PTPRG: variants seen among roughly 807,000 people sequenced by gnomAD.
PTPRG encodes the protein protein tyrosine phosphatase receptor type G.
PTPRG carries 102 observed loss-of-function variants against 165.3 expected under a neutral mutation model. That is an observed-to-expected ratio of 0.62 (90% CI 0.53 to 0.73). The LOEUF is 0.73. Ranked by LOEUF, PTPRG falls within the 30% of genes least tolerant of loss-of-function variation. The pLI, the probability that PTPRG is intolerant of heterozygous loss-of-function variation, is 0.00. For synonymous variants in PTPRG, 675 were observed against 669.5 expected (o/e 1.01, Z -0.13); for missense variants, 1,866 against 1,861.4 (o/e 1.00, Z -0.05).
At chr3:61,712,419 C>T (rs1257734626) in intron 1 of PTPRG, among the ~76,000 whole-genome samples, 1 of 152,042 alleles carries the variant, frequency 6.6e-6, no homozygotes, top group South Asian at 2.1e-4. Context: ...TTGTTTGGCT[C>T]TGTATCTCCA....
At chr3:62,181,469 C>T (rs1031815204) in intron 8 of PTPRG, among the ~76,000 whole-genome samples, 1 of 152,106 alleles carries the variant, frequency 6.6e-6, no homozygotes, top group African/African-American at 2.4e-5. Context: ...TCTATAAACA[C>T]CTACTCATTG....
chr3:61,647,773 C>CA lies in PTPRG; in HGVS notation c.85+85402dup, dbSNP rs373375267. 3.1e-3 allele frequency among the ~76,000 whole-genome samples: 356 copies of CA among 113,978 alleles called. 3 individuals are homozygous for CA. Among genetic ancestry groups the CA allele is most frequent in the African/African-American group, 0.012 (338 of 28,364 alleles). 74.8% of individuals were successfully genotyped at this position (113,978 alleles called of 152,430 possible). A position where few individuals can be genotyped will look rare whatever the true frequency, so the allele number is the denominator to read the frequency against. Reference sequence around the variant, plus strand: ...CACCACTGCACTCCAGCCTGGGTGACAGAGTGAGACTCCGTCTCAAAAAAA... The same window carrying CA: ...CACCACTGCACTCCAGCCTGGGTGACAAGAGTGAGACTCCGTCTCAAAAAAA... On this transcript the variant is annotated intron_variant, in intron 1 of 29. Coordinates refer to ENST00000474889, the MANE Select transcript of PTPRG (RefSeq NM_002841.4).
intron 16 of PTPRG, chr3:62,260,892 C>T (rs755878881): frequency 5.3e-5 from 8 of 152,164 alleles, no homozygotes; most frequent in South Asian, 2.1e-4. Flanking sequence ...ATATTTATTA[C>T]GATTTTTTGT....
intron 4 of PTPRG, among the ~76,000 whole-genome samples, chr3:62,010,164 C>T (rs1475534686): frequency 6.6e-6 from 1 of 152,140 alleles, no homozygotes; most frequent in African/African-American, 2.4e-5. Context: ...AGCAGTCCTC[C>T]CTCTTCGCCC....
intron 2 of PTPRG, among the ~76,000 whole-genome samples, chr3:61,811,709 A>C (rs1223303573): frequency 2.0e-5 from 3 of 152,218 alleles, no homozygotes; most frequent in Non-Finnish European, 4.4e-5. Context: ...ATTAGACTTA[A>C]TTTAAAGGTG....
intron 8 of PTPRG, among the ~76,000 whole-genome samples, chr3:62,189,440 G>A (rs1252938868): frequency 4.6e-5 from 7 of 152,176 alleles, no homozygotes; most frequent in Admixed American, 3.9e-4. Context: ...TGCAGGGCAT[G>A]TGGGTGGTCT....
At chr3:62,067,756 C>T (rs962391067) in intron 4 of PTPRG, among the ~76,000 whole-genome samples, 3 of 152,062 alleles carry the variant, frequency 2.0e-5, no homozygotes, top group African/African-American at 7.2e-5. Flanking sequence ...CCTGATCTGA[C>T]AGGAGGCAGA....
chr3:61,734,595 G>T (rs1490375914), intron 1 of PTPRG, among the ~76,000 whole-genome samples: 1 of 152,098 alleles, frequency 6.6e-6, no homozygotes, highest in South Asian at 2.1e-4. Context: ...CTGCATATGC[G>T]ATGTCTTTCT....
At chr3:62,191,751 A>G (rs1289352296) in intron 9 of PTPRG, 98 bp downstream of exon 9, 1 of 1,215,008 alleles carries the variant, frequency 8.2e-7, no homozygotes, top group Non-Finnish European at 1.2e-6. Flanking sequence ...GCTCTGTGTC[A>G]TCTGTCCTCA....
At chr3:61,759,026 G>A (rs1443176220) in intron 2 of PTPRG, among the ~76,000 whole-genome samples, 1 of 152,194 alleles carries the variant, frequency 6.6e-6, no homozygotes, top group African/African-American at 2.4e-5. Context: ...CACCTGGCAT[G>A]TTCTTTGAGT....
chr3:62,065,433 G>C (rs1575957458), intron 4 of PTPRG, among the ~76,000 whole-genome samples: 1 of 152,186 alleles, frequency 6.6e-6, no homozygotes, highest in Non-Finnish European at 1.5e-5. Context: ...TGAAGTGATG[G>C]ACACTGTTCA....
At chr3:61,652,261 C>T (rs1033492861) in intron 1 of PTPRG, among the ~76,000 whole-genome samples, 7 of 152,164 alleles carry the variant, frequency 4.6e-5, no homozygotes, top group Admixed American at 3.3e-4. Context: ...GAGCCCAGAT[C>T]GCCACTGCAC....
Position 61,742,416 on chromosome 3 carries a change from T to TTG in PTPRG, c.86-6461_86-6460insGT, listed in dbSNP as rs1575624957. 1.0e-5 allele frequency: 13 copies of TTG among 1,249,630 alleles called. No individual in the cohort carries two copies. The East Asian group carries it at 3.4e-4, about 32-fold the overall frequency. 77.4% of individuals were successfully genotyped at this position (1,249,630 alleles called of 1,614,324 possible). Reference sequence around the variant, plus strand: ...TTTGGGTCTGGAATTTTTTTTTTTTTTTTTTTTGAACTGGTAATAGAATTT... The same window carrying TTG: ...TTTGGGTCTGGAATTTTTTTTTTTTTTGTTTTTTTGAACTGGTAATAGAATTT... On this transcript the variant is annotated intron_variant, in intron 1 of 29. Coordinates refer to ENST00000474889, the MANE Select transcript of PTPRG (RefSeq NM_002841.4).
At position 62,213,079 on chromosome 3, in the gene PTPRG, C is replaced by T. The variant is rs1446729062; in HGVS notation, c.2156-5772C>T. Among the ~76,000 whole-genome samples, 1 of 152,148 alleles carries T rather than the reference C, an allele frequency of 6.6e-6. No individual in the cohort carries two copies. Among genetic ancestry groups the T allele is most frequent in the Non-Finnish European group, 1.5e-5 (1 of 68,032 alleles). ...AAGCAAACCCCCAGTAACTGGGCAGCTCAGTTCTGCTGGACCCTTCAGGAG... is the reference window on the plus strand; with the variant it reads ...AAGCAAACCCCCAGTAACTGGGCAGTTCAGTTCTGCTGGACCCTTCAGGAG... On this transcript the variant is annotated intron_variant, in intron 12 of 29. Coordinates refer to ENST00000474889, the MANE Select transcript of PTPRG (RefSeq NM_002841.4). The surrounding 1 kb of genome is among the most constrained non-coding windows in gnomAD (Gnocchi z 4.4).
At chr3:62,002,368 G>A (rs545134851) in intron 3 of PTPRG, among the ~76,000 whole-genome samples, 2 of 152,068 alleles carry the variant, frequency 1.3e-5, no homozygotes, top group Admixed American at 6.6e-5. Context: ...CAAACCATTC[G>A]GTATATTGTT....
At chr3:62,264,841 T>C (rs1371120842) in intron 17 of PTPRG, among the ~76,000 whole-genome samples, 1 of 152,196 alleles carries the variant, frequency 6.6e-6, no homozygotes. Flanking sequence ...ATGGTAATTC[T>C]ATGTTTAAAA....
At chr3:62,106,723 G>A (rs1702486672) in intron 5 of PTPRG, among the ~76,000 whole-genome samples, 1 of 152,068 alleles carries the variant, frequency 6.6e-6, no homozygotes, top group African/African-American at 2.4e-5. Context: ...GATATCTTTG[G>A]TGAAACTATA....
intron 2 of PTPRG, among the ~76,000 whole-genome samples, chr3:61,799,164 T>C (rs1367860045): frequency 2.0e-5 from 3 of 152,206 alleles, no homozygotes; most frequent in Non-Finnish European, 4.4e-5. Context: ...AGTATGAAAT[T>C]CTATTATGAA....
At chr3:62,025,129 A>T (rs920269879) in intron 4 of PTPRG, among the ~76,000 whole-genome samples, 4 of 152,194 alleles carry the variant, frequency 2.6e-5, no homozygotes, top group African/African-American at 9.7e-5. Flanking sequence ...TAGACACTGC[A>T]ACAGGGAGTG....
Sources: allele counts gnomAD v4.1 joint callset (sites outside exome capture counted in the v4.1 genomes callset), GRCh38; gene constraint gnomAD v4.1.1; non-coding constraint Gnocchi (gnomAD v3.1); transcripts MANE v1.5; gene names NCBI Gene and HGNC (gene_info 2026-07-23, HGNC 2026-07-21).